The following SRPK2 variants were observed in gnomAD, a reference collection of about 807,000 sequenced individuals.
SRPK2 encodes SFRS protein kinase 2.
Under a neutral mutation model 90.8 loss-of-function variants are expected in SRPK2, and 21 were observed. The observed-to-expected ratio is 0.23, with a 90% confidence interval of 0.16 to 0.33. The LOEUF (loss-of-function observed/expected upper bound fraction) is 0.33, where lower values mean the gene tolerates loss of function less well. Among genes scored for constraint, SRPK2 ranks in the 10% least tolerant of loss-of-function variants. The pLI, the probability that SRPK2 is intolerant of heterozygous loss-of-function variation, is 1.00. For synonymous variants in SRPK2, 288 were observed against 311.1 expected (o/e 0.93, Z 0.78); for missense variants, 620 against 869.0 (o/e 0.71, Z 3.60).
chr7:105,316,818 ACTTACTAGGTTCTATGAC>A (rs1485627522), intron 2 of SRPK2, among the ~76,000 whole-genome samples: 3 of 152,210 alleles, frequency 2.0e-5, no homozygotes, highest in Non-Finnish European at 4.4e-5. Context: ...CACTGGCCAT[ACTTACTAGGTTCTATGAC>A]CTTAGGCAAG....
chr7:105,250,530 A>G (rs1301369666), intron 2 of SRPK2, among the ~76,000 whole-genome samples: 1 of 152,202 alleles, frequency 6.6e-6, no homozygotes, highest in Non-Finnish European at 1.5e-5. Flanking sequence ...TTTCCCTTAC[A>G]TGCATGCAAA....
intron 2 of SRPK2, among the ~76,000 whole-genome samples, chr7:105,315,025 C>T (rs1278348539): frequency 6.6e-6 from 1 of 152,104 alleles, no homozygotes. Flanking sequence ...GCCTGGAATC[C>T]CAGCACTCTG....
chr7:105,161,411 G>GT (rs1390818045), intron 6 of SRPK2, among the ~76,000 whole-genome samples: 3 of 152,182 alleles, frequency 2.0e-5, no homozygotes, highest in African/African-American at 4.8e-5. Flanking sequence ...AGGGCTAAGT[G>GT]TACTTACTCT....
chr7:105,391,183 A>AATTTATTTATTTATTTATTTATTT (rs67760645), upstream of SRPK2, among the ~76,000 whole-genome samples: 2 of 148,314 alleles, frequency 1.3e-5, no homozygotes, highest in Non-Finnish European at 3.0e-5. Context: ...ATGACTATAA[A>AATTTATTTATTTATTTATTTATTT]ATTTATTTAT....
At chr7:105,136,091 A>AAT (rs1802762737) in intron 11 of SRPK2, among the ~76,000 whole-genome samples, 1 of 152,118 alleles carries the variant, frequency 6.6e-6, no homozygotes, top group Admixed American at 6.6e-5. Flanking sequence ...TCTTGTACTT[A>AAT]ATATCCCTCA....
At chr7:105,389,234 C>T (rs1411390740), upstream of SRPK2, 3 of 1,240,418 alleles carry the variant, frequency 2.4e-6, no homozygotes, top group Non-Finnish European at 1.0e-6. Context: ...GCGGCCTCTC[C>T]CCTCCGCACC....
chr7:105,342,423 T>C (rs1442929034), intron 2 of SRPK2, among the ~76,000 whole-genome samples: 1 of 152,014 alleles, frequency 6.6e-6, no homozygotes, highest in African/African-American at 2.4e-5. Context: ...TTCCTAGGAC[T>C]GTCCAGCTTA....
intron 2 of SRPK2, among the ~76,000 whole-genome samples, chr7:105,331,836 A>C (rs1160283224): frequency 6.6e-6 from 1 of 152,212 alleles, no homozygotes; most frequent in Non-Finnish European, 1.5e-5. Context: ...TCTCCAAGGC[A>C]TGACATCAAA....
chr7:105,295,168 G>A (rs997589462), intron 2 of SRPK2, among the ~76,000 whole-genome samples: 2 of 150,634 alleles, frequency 1.3e-5, no homozygotes, highest in East Asian at 3.9e-4. Flanking sequence ...GCCAAACTGC[G>A]CCACTGTGCC....
chr7:105,181,746 T>A, intron 3 of SRPK2, among the ~76,000 whole-genome samples: 1 of 151,566 alleles, frequency 6.6e-6, no homozygotes. Context: ...ACAGAGAGAA[T>A]TAGAAAAAAC....
At chr7:105,331,353 CAATT>C (rs1179576761) in intron 2 of SRPK2, among the ~76,000 whole-genome samples, 6 of 124,814 alleles carry the variant, frequency 4.8e-5, no homozygotes, top group South Asian at 2.7e-4. Flanking sequence ...AGTTATTACA[CAATT>C]AATCTGGATC....
At chr7:105,371,580 T>C (rs556828001) in intron 2 of SRPK2, among the ~76,000 whole-genome samples, 1 of 77,856 alleles carries the variant, frequency 1.3e-5, no homozygotes, top group Non-Finnish European at 2.5e-5. Context: ...TGAGACCCCA[T>C]CTCTACAAAA....
intron 2 of SRPK2, among the ~76,000 whole-genome samples, chr7:105,363,006 G>A (rs1818608786): frequency 6.6e-6 from 1 of 151,912 alleles, no homozygotes; most frequent in African/African-American, 2.4e-5. Flanking sequence ...TTGGACACAG[G>A]ATGGGGAACA....
intron 3 of SRPK2, among the ~76,000 whole-genome samples, chr7:105,169,926 C>T (rs938362783): frequency 7.2e-5 from 11 of 152,150 alleles, no homozygotes; most frequent in African/African-American, 2.7e-4. Context: ...AGAGGTCCTC[C>T]CACCTCAGCC....
At chr7:105,145,513 G>C (rs1394689021) in intron 8 of SRPK2, among the ~76,000 whole-genome samples, 4 of 152,128 alleles carry the variant, frequency 2.6e-5, no homozygotes, top group African/African-American at 4.8e-5. Context: ...AGTCACAGCA[G>C]AAGTTACTCA....
intron 2 of SRPK2, among the ~76,000 whole-genome samples, chr7:105,210,497 A>G (rs989307047): frequency 6.6e-6 from 1 of 152,168 alleles, no homozygotes; most frequent in Non-Finnish European, 1.5e-5. Context: ...AATACTTGGG[A>G]CCAGATAATG....
intron 2 of SRPK2, among the ~76,000 whole-genome samples, chr7:105,318,051 C>A (rs1377375086): frequency 6.6e-6 from 1 of 152,080 alleles, no homozygotes; most frequent in Non-Finnish European, 1.5e-5. Flanking sequence ...GCCACCATGC[C>A]GAGCCAAAAG....
intron 2 of SRPK2, among the ~76,000 whole-genome samples, chr7:105,234,831 G>T (rs960706855): frequency 6.6e-6 from 1 of 152,158 alleles, no homozygotes; most frequent in Non-Finnish European, 1.5e-5. Context: ...GGTAAGAAAA[G>T]AGGGCATCAC....
At chr7:105,163,565 C>T (rs935338926) in intron 6 of SRPK2, among the ~76,000 whole-genome samples, 6 of 152,048 alleles carry the variant, frequency 3.9e-5, no homozygotes, top group African/African-American at 9.7e-5. Context: ...GAAGCTGAGG[C>T]GGGCAGATCA....
Sources: gnomAD v4.1 joint callset for allele counts (sites outside exome capture counted in the v4.1 genomes callset) on GRCh38, gnomAD v4.1.1 for gene constraint, MANE v1.5 for transcripts, NCBI Gene and HGNC (gene_info 2026-07-23, HGNC 2026-07-21) for gene names.